The following ZMYM4 variants were observed in gnomAD, a reference collection of about 807,000 sequenced individuals.
ZMYM4 encodes zinc finger MYM-type containing 4.
A neutral mutation model predicts 183.2 loss-of-function variants in ZMYM4; 31 were observed. The observed-to-expected ratio is 0.17, with a 90% confidence interval of 0.13 to 0.23. The LOEUF (loss-of-function observed/expected upper bound fraction) is 0.23, where lower values mean the gene tolerates loss of function less well. Among genes scored for constraint, ZMYM4 ranks in the 10% least tolerant of loss-of-function variants. ZMYM4 has a pLI of 1.00. For synonymous variants in ZMYM4, 592 were observed against 631.2 expected (o/e 0.94, Z 0.93); for missense variants, 1,273 against 1,840.3 (o/e 0.69, Z 5.64).
chr1:35,335,056 A>G (rs972190543), intron 2 of ZMYM4, among the ~76,000 whole-genome samples: 1 of 152,232 alleles, frequency 6.6e-6, no homozygotes, highest in African/African-American at 2.4e-5. Context: ...CTTGATGCCA[A>G]TTTCCCAGTC....
chr1:35,401,746 T>G (rs1467989687), intron 23 of ZMYM4, among the ~76,000 whole-genome samples: 1 of 152,236 alleles, frequency 6.6e-6, no homozygotes, highest in Non-Finnish European at 1.5e-5. Flanking sequence ...TAGTTTTAAC[T>G]TTTATGTTTG....
At chr1:35,338,313 A>C (rs1354400214) in intron 2 of ZMYM4, among the ~76,000 whole-genome samples, 1 of 152,222 alleles carries the variant, frequency 6.6e-6, no homozygotes, top group Admixed American at 6.5e-5. Flanking sequence ...GTACGGGTCC[A>C]CTTATGCATG....
chr1:35,411,856 A>G (rs1364153768), intron 26 of ZMYM4, among the ~76,000 whole-genome samples: 1 of 151,870 alleles, frequency 6.6e-6, no homozygotes, highest in African/African-American at 2.4e-5. Context: ...ATTCTTTTTG[A>G]TGCTTTGGTA....
intron 1 of ZMYM4, among the ~76,000 whole-genome samples, chr1:35,310,682 G>A (rs931448471): frequency 3.3e-5 from 5 of 152,004 alleles, no homozygotes; most frequent in African/African-American, 1.2e-4. Context: ...AGATTCAAGT[G>A]GTTCTCCTGC....
intron 2 of ZMYM4, among the ~76,000 whole-genome samples, chr1:35,328,136 A>C (rs1204534893): frequency 6.6e-6 from 1 of 152,182 alleles, no homozygotes; most frequent in Non-Finnish European, 1.5e-5. Flanking sequence ...GGCAATAGGA[A>C]TCTGTATTAA....
At position 35,389,333 on chromosome 1, in the gene ZMYM4, CTTA is replaced by C. The variant is rs1644649485; in HGVS notation, c.2436+257_2436+259del. On this transcript the variant is annotated intron_variant, in intron 14 of 29. Transcript: ENST00000314607. The surrounding 1 kb of genome is among the most constrained non-coding windows in gnomAD (Gnocchi z 4.0). Reference sequence around the variant, plus strand: ...ATATTTAAACTTATAATTTTATTCACTTATTATTTAAATAAAGTGAATTTGTCT... The same window carrying C: ...ATATTTAAACTTATAATTTTATTCACTTATTTAAATAAAGTGAATTTGTCT... Among the ~76,000 whole-genome samples, 2 of 152,064 alleles carry C rather than the reference CTTA, an allele frequency of 1.3e-5. No homozygotes were observed. The highest frequency in any genetic ancestry group is 2.9e-5 in the Non-Finnish European group (2 of 68,026).
chr1:35,343,182 A>G (rs976313445), intron 2 of ZMYM4, among the ~76,000 whole-genome samples: 2 of 152,058 alleles, frequency 1.3e-5, no homozygotes, highest in African/African-American at 2.4e-5. Context: ...GAAAAGCACA[A>G]ATTTTTAATA....
chr1:35,345,816 T>G (rs995896900), intron 2 of ZMYM4, among the ~76,000 whole-genome samples: 25 of 152,226 alleles, frequency 1.6e-4, no homozygotes, highest in African/African-American at 6.0e-4. Flanking sequence ...AAATGAAATT[T>G]ACCGTCTTCA....
At chr1:35,334,940 C>T (rs532442020) in intron 2 of ZMYM4, among the ~76,000 whole-genome samples, 1 of 151,996 alleles carries the variant, frequency 6.6e-6, no homozygotes, top group African/African-American at 2.4e-5. Flanking sequence ...CGGAATACTT[C>T]GAAAACTTTT....
At chr1:35,275,213 C>A (rs1399630999) in intron 1 of ZMYM4, among the ~76,000 whole-genome samples, 2 of 151,924 alleles carry the variant, frequency 1.3e-5, no homozygotes, top group Non-Finnish European at 2.9e-5. Context: ...TATGTTTGTA[C>A]TTTTTTTGAC....
intron 25 of ZMYM4, among the ~76,000 whole-genome samples, chr1:35,406,651 T>C (rs1047907800): frequency 6.6e-6 from 1 of 152,234 alleles, no homozygotes; most frequent in Non-Finnish European, 1.5e-5. Context: ...CACTCTTTCA[T>C]TGAGAAATAC....
chr1:35,278,735 T>TG (rs1208561395), intron 1 of ZMYM4, among the ~76,000 whole-genome samples: 1 of 152,148 alleles, frequency 6.6e-6, no homozygotes, highest in Non-Finnish European at 1.5e-5. Flanking sequence ...CATGAACTCT[T>TG]AAGTCCAAAA....
chr1:35,378,226 C>T (rs1484818410), intron 7 of ZMYM4, among the ~76,000 whole-genome samples: 1 of 152,200 alleles, frequency 6.6e-6, no homozygotes, highest in Non-Finnish European at 1.5e-5. Context: ...TCCTCAGAGT[C>T]ATCTGTGAGG....
intron 1 of ZMYM4, among the ~76,000 whole-genome samples, chr1:35,287,153 A>G (rs552940386): frequency 1.3e-5 from 2 of 148,158 alleles, no homozygotes; most frequent in South Asian, 2.2e-4. Context: ...TGCGTGCTCA[A>G]TAAGTGTTAT....
intron 1 of ZMYM4, among the ~76,000 whole-genome samples, chr1:35,320,489 A>G (rs1642235819): frequency 6.6e-6 from 1 of 152,172 alleles, no homozygotes; most frequent in African/African-American, 2.4e-5. Flanking sequence ...TTTATAATAA[A>G]CCAGTAAATG....
intron 1 of ZMYM4, among the ~76,000 whole-genome samples, chr1:35,270,942 A>G (rs1045716618): frequency 4.6e-5 from 7 of 152,220 alleles, no homozygotes; most frequent in African/African-American, 7.2e-5. Context: ...GGATTCACCT[A>G]ATGCAATAAT....
In ZMYM4 at chr1:35,396,578, A is replaced by G; in HGVS notation, c.2938A>G (p.Ile980Val). Residue 980 changes from isoleucine to valine, a missense_variant, in exon 19 of 30, where the codon ATT (isoleucine) becomes GTT (valine). By Grantham distance (29) the Ile-to-Val change is conservative (BLOSUM62 3). Transcript: ENST00000314607. Reference sequence around the variant, plus strand: ...AGACACTCCAAGTCAGCCCCAGATTATTGTGGTGCCAGTTCCCGTACCAGT... The same window carrying G: ...AGACACTCCAAGTCAGCCCCAGATTGTTGTGGTGCCAGTTCCCGTACCAGT... The part of the protein sequence containing the change: ...TEDTPSQPQI[I>V]VVPVPVPVFV... The G allele has an allele frequency of 4.3e-6, 7 of 1,613,800 alleles. No individual in the cohort carries two copies. The highest frequency in any genetic ancestry group is 5.9e-6 in the Non-Finnish European group (7 of 1,179,808).
At chr1:35,409,113 G>A (rs1429914664) in intron 26 of ZMYM4, among the ~76,000 whole-genome samples, 1 of 152,154 alleles carries the variant, frequency 6.6e-6, no homozygotes, top group Non-Finnish European at 1.5e-5. Context: ...AATCAATATA[G>A]CATTCCTTTT....
At chr1:35,353,305 A>T (rs1391435818) in intron 2 of ZMYM4, among the ~76,000 whole-genome samples, 1 of 152,206 alleles carries the variant, frequency 6.6e-6, no homozygotes, top group Admixed American at 6.5e-5. Flanking sequence ...TCTGCTCCGT[A>T]TAACATTGAA....
Sources: gnomAD v4.1 joint callset for allele counts (sites outside exome capture counted in the v4.1 genomes callset) on GRCh38, gnomAD v4.1.1 for gene constraint, Gnocchi (gnomAD v3.1) non-coding constraint, MANE v1.5 for transcripts, NCBI Gene and HGNC (gene_info 2026-07-23, HGNC 2026-07-21) for gene names.